Variants in CAMSAP3 observed in about 807,000 individuals in gnomAD.
CAMSAP3 encodes the protein calmodulin-regulated spectrin-associated protein 3.
Under a neutral mutation model 112.5 loss-of-function variants are expected in CAMSAP3, and 34 were observed. The observed-to-expected ratio is 0.30, with a 90% CI of 0.23 to 0.40. CAMSAP3 has a LOEUF of 0.40. CAMSAP3 is among the 10% of genes least tolerant of loss of function. CAMSAP3 has a pLI of 1.00. For missense variants in CAMSAP3, 1,602 were observed against 1,770.3 expected, an observed-to-expected ratio of 0.90 and a Z score of 1.71; for synonymous variants, 868 against 799.8, an observed-to-expected ratio of 1.09 and a Z score of -1.44.
chr19:7,596,356 C>CGGGAGCGCGGTGGGGGTG (rs2024441582), intron 1 of CAMSAP3, among the ~76,000 whole-genome samples: 1 of 151,030 alleles, frequency 6.6e-6, no homozygotes, highest in Non-Finnish European at 1.5e-5. Flanking sequence ...CCGCCGGCTG[C>CGGGAGCGCGGTGGGGGTG]GGGAGCGCGG....
chr19:7,618,078 G>T lies in CAMSAP3; in HGVS notation c.*21G>T, dbSNP rs755504958. The T allele has an allele frequency of 6.2e-7, 1 of 1,600,718 alleles. No individual in the cohort carries two copies. Among genetic ancestry groups the T allele is most frequent in the South Asian group, 1.1e-5 (1 of 90,148 alleles). ...AATAGCCCCACCCGGGCGGTCCACG[G>T]GCCGGGCCCTGTGTGCTGCGGCCGC... On this transcript the variant is annotated 3_prime_UTR_variant, in exon 17 of 17. Transcript: ENST00000160298.
In CAMSAP3 at chr19:7,612,910, G is replaced by A; in HGVS notation, c.2417G>A (p.Ser806Asn). The A allele has an allele frequency of 6.2e-7, 1 of 1,609,652 alleles. No homozygotes were observed. Among genetic ancestry groups the A allele is most frequent in the Non-Finnish European group, 8.5e-7 (1 of 1,179,156 alleles). Residue 806 changes from serine to asparagine, a missense_variant, in exon 11 of 17, where the codon AGC (serine) becomes AAC (asparagine). Around this residue, in one of 6 missense-constraint regions of CAMSAP3, gnomAD observed 1,100 missense variants for 1,135.7 expected, o/e 0.97. Coordinates refer to ENST00000160298, the MANE Select transcript of CAMSAP3 (RefSeq NM_020902.2). ...RVLTPPHDVD[S>N]LPHLRKFSPS... ...CTTACGCCACCCCACGACGTAGACA[G>A]CCTCCCCCACCTGCGCAAGTTCTCG...
intron 13 of CAMSAP3, chr19:7,616,262 G>C (rs145349542): frequency 2.4e-6 from 1 of 415,690 alleles, no homozygotes; most frequent in Non-Finnish European, 4.5e-6. Context: ...TCTTTCTTCT[G>C]TGGCTTCATG....
In CAMSAP3 at chr19:7,610,744, G is replaced by A. The variant is rs772076274; in HGVS notation, c.945G>A (p.Glu315=). The A allele has an allele frequency of 6.2e-7, 1 of 1,614,048 alleles. No homozygotes were observed. Among genetic ancestry groups the A allele is most frequent in the Non-Finnish European group, 8.5e-7 (1 of 1,180,008 alleles). ...VMLAELFMCF[E]VLKPDFVQVK... ...TGGCCGAGTTGTTCATGTGTTTTGAGGTGCTCAAGCCCGACTTTGTGCAAG... is the reference window on the plus strand; with the variant it reads ...TGGCCGAGTTGTTCATGTGTTTTGAAGTGCTCAAGCCCGACTTTGTGCAAG... Residue 315 remains glutamate (E), a synonymous_variant, in exon 7 of 17, where the codon GAG becomes GAA. Transcript: ENST00000160298. The surrounding 1 kb of genome is among the most constrained non-coding windows in gnomAD (Gnocchi z 4.9).
At position 7,610,644 on chromosome 19, in the gene CAMSAP3, G is replaced by A. The variant is rs371603579; in HGVS notation, c.900+29G>A. On this transcript the variant is annotated intron_variant, in intron 6 of 16. Transcript: ENST00000160298. The surrounding 1 kb of genome is among the most constrained non-coding windows in gnomAD (Gnocchi z 4.9). Reference sequence around the variant, plus strand: ...AGGCCATCCTGGGGCCTCCTGGGCCGAGGCGGGCATCTGGGGCCAGGGGTC... The same window carrying A: ...AGGCCATCCTGGGGCCTCCTGGGCCAAGGCGGGCATCTGGGGCCAGGGGTC... The A allele has an allele frequency of 2.9e-5, 46 of 1,613,640 alleles. No individual in the cohort carries two copies. The highest frequency in any genetic ancestry group is 1.6e-4 in the East Asian group (7 of 44,902).
rs530632672 is a variant in CAMSAP3, at chr19:7,613,123, C to T, written c.2630C>T (p.Ser877Leu). The T allele has an allele frequency of 2.0e-5, 30 of 1,499,202 alleles. No homozygotes were observed. The highest frequency in any genetic ancestry group is 4.6e-5 in the African/African-American group (3 of 65,478). 92.9% of individuals were successfully genotyped at this position (1,499,202 alleles called of 1,614,324 possible). ...AEDSLEEEASSEGEPRVGLGF... is the reference protein window; with the variant it reads ...AEDSLEEEASLEGEPRVGLGF... ...GATTCCTTGGAGGAGGAGGCGTCTT[C>T]GGAGGGGGAGCCCCGGGTGGGGCTG... The change falls in exon 11 of 17, where the codon TCG becomes TTG. Residue 877 changes from serine (S) to leucine (L), a missense_variant. Physicochemically the swap from Ser to Leu is moderately radical, Grantham distance 145 (BLOSUM62 -2). Coordinates refer to ENST00000160298, the MANE Select transcript of CAMSAP3 (RefSeq NM_020902.2).
At chr19:7,609,280 T>C (rs1300946673) in intron 5 of CAMSAP3, among the ~76,000 whole-genome samples, 1 of 147,594 alleles carries the variant, frequency 6.8e-6, no homozygotes, top group Non-Finnish European at 1.5e-5. Context: ...ACCATGCCAT[T>C]GCACTCTAGC....
At chr19:7,597,559 G>A (rs1359515645) in intron 1 of CAMSAP3, among the ~76,000 whole-genome samples, 1 of 152,290 alleles carries the variant, frequency 6.6e-6, no homozygotes, top group South Asian at 2.1e-4. Flanking sequence ...TGTGGGGCAG[G>A]GGCACTTGCT....
Position 7,610,881 on chromosome 19 carries a change from C to T in CAMSAP3, c.999C>T (p.Ala333=). 6.3e-7 allele frequency: 1 copy of T among 1,599,230 alleles called. No homozygotes were observed. Among genetic ancestry groups the T allele is most frequent in the Non-Finnish European group, 8.5e-7 (1 of 1,173,316 alleles). ...QVKDLPDGHA[A]SPRGTEASPP... ...ACCCTCTTCTCTGTACTGCAGCTGC[C>T]TCCCCCCGGGGCACTGAGGCCTCCC... The change falls in exon 8 of 17, where the codon GCC becomes GCT. Residue 333 remains alanine, a synonymous_variant. Transcript: ENST00000160298. The surrounding 1 kb of genome is among the most constrained non-coding windows in gnomAD (Gnocchi z 4.9).
Position 7,618,228 on chromosome 19 carries a change from G to T in CAMSAP3, c.*171G>T. 1 of 686,144 alleles carries T rather than the reference G, an allele frequency of 1.5e-6. No homozygotes were observed. 42.5% of individuals were successfully genotyped at this position (686,144 alleles called of 1,614,324 possible). On this transcript the variant is annotated 3_prime_UTR_variant, in exon 17 of 17. Transcript: ENST00000160298. ...TCCTGCTGTGGGGGCTGAGCTGGGA[G>T]GTTCAGGGACTCAGGGCTCAGCTCA...
chr19:7,606,586 T>A lies in CAMSAP3; in HGVS notation c.621+15T>A. ...CGCAGCCCTCGGTGAGGCCAGGGCA[T>A]AGAACCGTCAGAAGGATGGGGGACC... On this transcript the variant is annotated intron_variant, in intron 4 of 16. Transcript: ENST00000160298. 2 of 1,521,240 alleles carry A rather than the reference T, an allele frequency of 1.3e-6. No individual in the cohort carries two copies. The highest frequency in any genetic ancestry group is 1.8e-6 in the Non-Finnish European group (2 of 1,137,986). The allele number at this position is 1,521,240 out of a possible 1,614,324, so 94.2% of individuals were successfully genotyped here.
chr19:7,610,374 A>C lies in CAMSAP3; in HGVS notation c.761-102A>C, dbSNP rs569684384. ...AGGGCACCTGGCAGAAGCTGGGCTC[A>C]TAGGAGGTCTTCCGTGTGTGGGGGA... On this transcript the variant is annotated intron_variant, in intron 5 of 16. Coordinates refer to ENST00000160298, the MANE Select transcript of CAMSAP3 (RefSeq NM_020902.2). The surrounding 1 kb of genome is among the most constrained non-coding windows in gnomAD (Gnocchi z 4.9). The C allele has an allele frequency of 9.4e-7, 1 of 1,063,054 alleles. No homozygotes were observed. The highest frequency in any genetic ancestry group is 1.5e-5 in the South Asian group (1 of 65,872). 65.9% of individuals were successfully genotyped at this position (1,063,054 alleles called of 1,614,324 possible).
At chr19:7,596,793 G>T (rs1220435589) in intron 1 of CAMSAP3, among the ~76,000 whole-genome samples, 1 of 152,294 alleles carries the variant, frequency 6.6e-6, no homozygotes, top group East Asian at 1.9e-4. Context: ...TACTGGGGAG[G>T]TTGGCGAGCC....
intron 1 of CAMSAP3, among the ~76,000 whole-genome samples, chr19:7,596,614 G>A (rs1428602588): frequency 6.6e-6 from 1 of 152,090 alleles, no homozygotes; most frequent in African/African-American, 2.4e-5. Context: ...GACCTCGCTG[G>A]GGGGTCTCGA....
Position 7,611,871 on chromosome 19 carries a change from G to C in CAMSAP3, c.1378G>C (p.Glu460Gln), listed in dbSNP as rs755487910. Residue 460 changes from glutamate to glutamine, a missense_variant, in exon 11 of 17, where the codon GAG becomes CAG. Transcript: ENST00000160298. This position sits in a 1 kb window ranked among gnomAD's most constrained non-coding sequence, Gnocchi z 6.9. ...PPEPGDLPTI[E>Q]EALQIIHSAE... ...GGAGCCTGGTGACCTGCCCACCATCGAGGAAGCTCTGCAGATCATCCACAG... is the reference window on the plus strand; with the variant it reads ...GGAGCCTGGTGACCTGCCCACCATCCAGGAAGCTCTGCAGATCATCCACAG... 1.3e-6 allele frequency: 2 copies of C among 1,565,334 alleles called. No individual in the cohort carries two copies. The highest frequency in any genetic ancestry group is 1.7e-6 in the Non-Finnish European group (2 of 1,154,534).
chr19:7,610,612 C>T lies in CAMSAP3; in HGVS notation c.897C>T (p.Leu299=), dbSNP rs769321823. ...LEDLLYVPPP[L]KVNLVVMLAE... ...ACTTGCTGTACGTCCCACCGCCACT[C>T]AAGGTAAGGCCATCCTGGGGCCTCC... The change falls in exon 6 of 17, where the codon CTC becomes CTT. Residue 299 remains leucine (L), a synonymous_variant. Coordinates refer to ENST00000160298, the MANE Select transcript of CAMSAP3 (RefSeq NM_020902.2). This position sits in a 1 kb window ranked among gnomAD's most constrained non-coding sequence, Gnocchi z 4.9. 6 of 1,613,500 alleles carry T rather than the reference C, an allele frequency of 3.7e-6. No homozygotes were observed. In the Admixed American group the frequency reaches 6.7e-5, roughly 18 times the overall value.
rs2030411778 is a variant in CAMSAP3, at chr19:7,610,328, A to T, written c.761-148A>T. On this transcript the variant is annotated intron_variant, in intron 5 of 16. Coordinates refer to ENST00000160298, the MANE Select transcript of CAMSAP3 (RefSeq NM_020902.2). This position sits in a 1 kb window ranked among gnomAD's most constrained non-coding sequence, Gnocchi z 4.9. ...GCGAGACTCCATCTCAAAAAAAAAA[A>T]AAAAAGAATTCACCTCTCGAAGGGC... The T allele has an allele frequency of 1.5e-6, 1 of 680,752 alleles. No homozygotes were observed. The allele number at this position is 680,752 out of a possible 1,614,324, so 42.2% of individuals were successfully genotyped here. A position where few individuals can be genotyped will look rare whatever the true frequency, so the allele number is the denominator to read the frequency against.
rs768247647 is a variant in CAMSAP3 at position 7,615,330 on chromosome 19, C to G, written c.2810+8C>G. The G allele has an allele frequency of 1.0e-5, 16 of 1,540,418 alleles. No individual in the cohort carries two copies. The highest frequency in any genetic ancestry group is 7.2e-5 in the South Asian group (6 of 83,278). On this transcript the variant is annotated splice_region_variant and intron_variant, in intron 12 of 16. Coordinates refer to ENST00000160298, the MANE Select transcript of CAMSAP3 (RefSeq NM_020902.2). The surrounding 1 kb of genome is among the most constrained non-coding windows in gnomAD (Gnocchi z 6.5). The stretch of plus-strand genomic sequence containing the variant: ...GAGGGAGGAGGCCGCGAGGTGAGGC[C>G]GGGCCTGCCCGGGACGCCCGCTCCT...
chr19:7,598,431 A>G (rs1155715), intron 1 of CAMSAP3, among the ~76,000 whole-genome samples: 101,871 of 151,942 alleles, frequency 0.67, 34,497 homozygotes, highest in South Asian at 0.75. Flanking sequence ...AGCCACGGAC[A>G]GTGTTGGGAA....
Sources: gnomAD v4.1 joint callset for allele counts (sites outside exome capture counted in the v4.1 genomes callset) on GRCh38, gnomAD v4.1.1 for gene constraint, gnomAD v4.1.1 regional missense constraint, Gnocchi (gnomAD v3.1) non-coding constraint, MANE v1.5 for transcripts, NCBI Gene and HGNC (gene_info 2026-07-23, HGNC 2026-07-21) for gene names.